ACACA: variants seen among roughly 807,000 people sequenced by gnomAD.
The protein encoded by ACACA is acetyl-CoA carboxylase 1.
In ACACA, 103 loss-of-function variants were observed where a neutral mutation model predicts 296.1. The ratio of observed to expected loss-of-function variants is 0.35; its 90% CI spans 0.30 to 0.41. The LOEUF is 0.41. Ranked by LOEUF, ACACA falls within the 10% of genes least tolerant of loss-of-function variation. ACACA has a pLI of 1.00. For synonymous variants in ACACA, 953 were observed against 1,038.6 expected, an observed-to-expected ratio of 0.92 and a Z score of 1.58; for missense variants, 1,554 against 2,989.7, an observed-to-expected ratio of 0.52 and a Z score of 11.20.
intron 1 of ACACA, among the ~76,000 whole-genome samples, chr17:37,342,012 T>G (rs960247194): frequency 1.3e-4 from 20 of 152,252 alleles, no homozygotes; most frequent in African/African-American, 4.8e-4. Context: ...GTCTTAGTTC[T>G]GAAACAAGGC....
chr17:37,330,456 G>A (rs1369858714), intron 2 of ACACA, 31 bp from the exon 3 acceptor site: 10 of 1,613,144 alleles, frequency 6.2e-6, no homozygotes, highest in South Asian at 1.1e-5. Context: ...GAGAAAGGCA[G>A]GTTATGAATA....
In ACACA at chr17:37,086,018, C is replaced by T. The variant is rs1044718661; in HGVS notation, c.*1298G>A. ...ATAAACTAGTTGTTGAAAGTAAACT[C>T]TCTCCACCACCTGAGGAAGCCCCTG... On this transcript the variant is annotated 3_prime_UTR_variant, in exon 56 of 56. Coordinates refer to ENST00000616317, the MANE Select transcript of ACACA (RefSeq NM_198834.3). 2.0e-5 allele frequency: 8 copies of T among 390,910 alleles called. No individual in the cohort carries two copies. Among genetic ancestry groups the T allele is most frequent in the African/African-American group, 6.2e-5 (3 of 48,502 alleles). The allele number at this position is 390,910 out of a possible 1,614,324, so 24.2% of individuals were successfully genotyped here. A position where few individuals can be genotyped will look rare whatever the true frequency, so the allele number is the denominator to read the frequency against.
chr17:37,386,646 T>C (rs907140185), intron 1 of ACACA, among the ~76,000 whole-genome samples: 2 of 152,094 alleles, frequency 1.3e-5, no homozygotes, highest in African/African-American at 4.8e-5. Flanking sequence ...GTTTGTAATT[T>C]GACACCATCA....
Position 37,247,756 on chromosome 17 carries a change from C to T in ACACA, c.2309+255G>A, listed in dbSNP as rs1300406798. The T allele has an allele frequency of 7.2e-6, 4 of 553,678 alleles. No homozygotes were observed. The East Asian group carries it at 9.5e-5, about 13-fold the overall frequency. The allele number at this position is 553,678 out of a possible 1,614,324, so 34.3% of individuals were successfully genotyped here. Reference sequence around the variant, plus strand: ...AATTTCTACTCAAATATGTAAGAAACTTTTAACAATGGTTACTTATAAAAA... The same window carrying T: ...AATTTCTACTCAAATATGTAAGAAATTTTTAACAATGGTTACTTATAAAAA... On this transcript the variant is annotated intron_variant, in intron 18 of 55. Coordinates refer to ENST00000616317, the MANE Select transcript of ACACA (RefSeq NM_198834.3).
chr17:37,201,433 A>G (rs2078243689), intron 33 of ACACA, among the ~76,000 whole-genome samples: 1 of 148,062 alleles, frequency 6.8e-6, no homozygotes. Flanking sequence ...GACTGTCTCA[A>G]AAAAAAAAAA....
chr17:37,355,077 C>T (rs944380618), intron 1 of ACACA, among the ~76,000 whole-genome samples: 1 of 151,632 alleles, frequency 6.6e-6, no homozygotes, highest in East Asian at 1.9e-4. Context: ...AACCCCATCT[C>T]TATTAATATA....
At position 37,233,482 on chromosome 17, in the gene ACACA, G is replaced by A. The variant is rs146978493; in HGVS notation, c.3246+1493C>T. ...GCTGCTCCAAGGATTCTAGGCTTTGGTCTATTTTTAGTGCAGAAAACTGTT... is the reference window on the plus strand; with the variant it reads ...GCTGCTCCAAGGATTCTAGGCTTTGATCTATTTTTAGTGCAGAAAACTGTT... On this transcript the variant is annotated intron_variant, in intron 25 of 55. Coordinates refer to ENST00000616317, the MANE Select transcript of ACACA (RefSeq NM_198834.3). Among the ~76,000 whole-genome samples, 17 of 152,236 alleles carry A rather than the reference G, an allele frequency of 1.1e-4. No homozygotes were observed. The East Asian group carries it at 3.1e-3, about 28-fold the overall frequency.
At chr17:37,170,805 T>C (rs2076855430) in intron 41 of ACACA, among the ~76,000 whole-genome samples, 1 of 152,214 alleles carries the variant, frequency 6.6e-6, no homozygotes. Context: ...AATTGTACTA[T>C]CAATGTGAAT....
intron 10 of ACACA, among the ~76,000 whole-genome samples, chr17:37,264,516 T>C (rs1382026857): frequency 6.6e-6 from 1 of 152,224 alleles, no homozygotes; most frequent in Non-Finnish European, 1.5e-5. Flanking sequence ...TTCTGTCTTT[T>C]ATAGGGGGGA....
In ACACA at chr17:37,373,159, G is replaced by C. The variant is rs954919712; in HGVS notation, c.38+33103C>G. Among the ~76,000 whole-genome samples the C allele has an allele frequency of 6.6e-5, 10 of 152,268 alleles. No homozygotes were observed. In the East Asian group the frequency reaches 1.9e-3, roughly 29 times the overall value. On this transcript the variant is annotated intron_variant, in intron 1 of 55. Transcript: ENST00000616317. ...CTCCCAAAGTGCTGGGATTATGGGC[G>C]TGAGCCACGGTGCCCGGCCTACTCC...
chr17:37,402,420 T>C (rs1303720249), intron 1 of ACACA, among the ~76,000 whole-genome samples: 1 of 152,106 alleles, frequency 6.6e-6, no homozygotes, highest in Non-Finnish European at 1.5e-5. Flanking sequence ...GCAGTGATGA[T>C]AAAGATATAG....
chr17:37,188,271 T>C lies in ACACA; in HGVS notation c.4776+6A>G, dbSNP rs377762682. 20 of 1,613,524 alleles carry C rather than the reference T, an allele frequency of 1.2e-5. No homozygotes were observed. The highest frequency in any genetic ancestry group is 4.0e-5 in the African/African-American group (3 of 74,924). ...AAACTCTGAGGAGCCTGTTTGAGTATTGTACCTGTGCTGTCCTGGAGTCAG... is the reference window on the plus strand; with the variant it reads ...AAACTCTGAGGAGCCTGTTTGAGTACTGTACCTGTGCTGTCCTGGAGTCAG... On this transcript the variant is annotated splice_donor_region_variant and intron_variant, in intron 39 of 55. Coordinates refer to ENST00000616317, the MANE Select transcript of ACACA (RefSeq NM_198834.3).
At position 37,097,038 on chromosome 17, in the gene ACACA, G is replaced by A; in HGVS notation, c.6849C>T (p.Ala2283=). ...CTTCCACAAACCAGCGCCTTAACAT[G>A]GCTTGAATCTGGCCATCAGTCAGCT... is the stretch of plus-strand genomic sequence containing the variant. The part of the protein sequence containing the change: ...NPELTDGQIQ[A]MLRRWFVEVE... The change falls in exon 54 of 56, where the codon GCC becomes GCT. Residue 2283 remains alanine (A), a synonymous_variant. Coordinates refer to ENST00000616317, the MANE Select transcript of ACACA (RefSeq NM_198834.3). This position sits in a 1 kb window ranked among gnomAD's most constrained non-coding sequence, Gnocchi z 4.8. The A allele has an allele frequency of 3.1e-6, 5 of 1,614,104 alleles. No individual in the cohort carries two copies. The highest frequency in any genetic ancestry group is 1.7e-5 in the Admixed American group (1 of 60,008).
rs772950790 is a variant in ACACA, at chr17:37,088,963, C to T, written c.7003G>A (p.Asp2335Asn). The T allele has an allele frequency of 1.8e-5, 29 of 1,614,224 alleles. No homozygotes were observed. Among genetic ancestry groups the T allele is most frequent in the Non-Finnish European group, 2.4e-5 (28 of 1,180,044 alleles). Residue 2335 changes from aspartate to asparagine, a missense_variant, in exon 55 of 56, where the codon GAC becomes AAC. Coordinates refer to ENST00000616317, the MANE Select transcript of ACACA (RefSeq NM_198834.3). ...IEENIKCISR[D>N]YVLKQIRSLV... ...CTGCGGATTTGCTTGAGGACGTAGTCTCTGCTGATGCATTTGATGTTTTCC... is the reference window on the plus strand; with the variant it reads ...CTGCGGATTTGCTTGAGGACGTAGTTTCTGCTGATGCATTTGATGTTTTCC...
chr17:37,122,780 A>C (rs2074591252), intron 48 of ACACA, 153 bp from the exon 49 acceptor site: 1 of 724,122 alleles, frequency 1.4e-6, no homozygotes, highest in Admixed American at 2.0e-5. Flanking sequence ...TAAATGTGAG[A>C]CTCTACGGAT....
intron 39 of ACACA, among the ~76,000 whole-genome samples, chr17:37,186,033 C>T (rs542458732): frequency 6.6e-6 from 1 of 152,314 alleles, no homozygotes; most frequent in Non-Finnish European, 1.5e-5. Flanking sequence ...TCAAGCCAAT[C>T]AACCTTGTTC....
chr17:37,154,034 C>T (rs1400251408), intron 43 of ACACA, among the ~76,000 whole-genome samples: 1 of 152,158 alleles, frequency 6.6e-6, no homozygotes, highest in African/African-American at 2.4e-5. Context: ...TAGCCAAACA[C>T]AGTGGCTTGC....
chr17:37,370,573 C>G lies in ACACA; in HGVS notation c.39-30723G>C, dbSNP rs535066659. On this transcript the variant is annotated intron_variant, in intron 1 of 55. Transcript: ENST00000616317. The stretch of plus-strand genomic sequence containing the variant: ...TTGGGAGGCTGAGGCAGAAGAATTG[C>G]TTGAACCCGGGAGGTGGACGTTGCA... 2.7e-4 allele frequency among the ~76,000 whole-genome samples: 41 copies of G among 151,288 alleles called. 1 individual carries two copies. The South Asian group carries it at 8.1e-3, about 30-fold the overall frequency.
intron 1 of ACACA, chr17:37,388,705 AG>A: frequency 2.4e-5 from 39 of 1,612,072 alleles, no homozygotes; most frequent in Non-Finnish European, 3.3e-5. Flanking sequence ...ACAGAAATGG[AG>A]TATTGTGGTC....
Sources: allele counts gnomAD v4.1 joint callset (sites outside exome capture counted in the v4.1 genomes callset), GRCh38; gene constraint gnomAD v4.1.1; non-coding constraint Gnocchi (gnomAD v3.1); transcripts MANE v1.5; gene names NCBI Gene and HGNC (gene_info 2026-07-23, HGNC 2026-07-21).